Variants in RNF214 observed in about 807,000 individuals in gnomAD.
The protein encoded by RNF214 is ring finger protein 214.
A neutral mutation model predicts 75.9 loss-of-function variants in RNF214; 25 were observed. The ratio of observed to expected loss-of-function variants is 0.33; its 90% CI spans 0.24 to 0.46. The LOEUF is 0.46. Among genes scored for constraint, RNF214 ranks in the 20% least tolerant of loss-of-function variants. The pLI is 1.00. For missense variants in RNF214, 725 were observed against 857.5 expected, an observed-to-expected ratio of 0.85 and a Z score of 1.93; for synonymous variants, 314 against 308.8, an observed-to-expected ratio of 1.02 and a Z score of -0.18.
intron 6 of RNF214, among the ~76,000 whole-genome samples, chr11:117,251,471 C>T (rs1276894271): frequency 8.9e-5 from 11 of 123,534 alleles, no homozygotes; most frequent in East Asian, 2.4e-4. Flanking sequence ...GCTGGCCGGG[C>T]GGGGGGCTGA....
intron 6 of RNF214, among the ~76,000 whole-genome samples, chr11:117,269,415 G>A (rs2134404463): frequency 6.6e-6 from 1 of 152,294 alleles, no homozygotes; most frequent in South Asian, 2.1e-4. Context: ...AGCCTGGAGT[G>A]CAGTGGCATG....
rs1940286 is a variant in RNF214, at chr11:117,281,251, G to A, written c.1146-63G>A. 1.9e-3 allele frequency: 2,203 copies of A among 1,152,800 alleles called. 11 individuals are homozygous for A. The highest frequency in any genetic ancestry group is 1.8e-3 in the Non-Finnish European group (1,358 of 768,226). The allele number at this position is 1,152,800 out of a possible 1,614,324, so 71.4% of individuals were successfully genotyped here. ...GGCCTCTTGTGCTGGGATTACAGGC[G>A]TGAGTCACTGTTCCTAGCAGGGCTT... On this transcript the variant is annotated intron_variant, in intron 8 of 14. Coordinates refer to ENST00000300650, the MANE Select transcript of RNF214 (RefSeq NM_207343.4).
chr11:117,257,598 C>T (rs956049637), intron 6 of RNF214, among the ~76,000 whole-genome samples: 2 of 151,696 alleles, frequency 1.3e-5, no homozygotes, highest in African/African-American at 4.9e-5. Context: ...AACATAGAGA[C>T]GATAGTTACA....
intron 4 of RNF214, among the ~76,000 whole-genome samples, chr11:117,244,010 C>G (rs376420951): frequency 6.2e-4 from 95 of 152,322 alleles, no homozygotes; most frequent in African/African-American, 2.1e-3. Flanking sequence ...GAGACAGAGT[C>G]TTGCTCTGTC....
intron 6 of RNF214, among the ~76,000 whole-genome samples, chr11:117,273,625 G>A (rs1354674598): frequency 6.6e-6 from 1 of 152,180 alleles, no homozygotes; most frequent in Non-Finnish European, 1.5e-5. Context: ...GTTTGCAGCA[G>A]AGAAAGAGTT....
chr11:117,281,411 G>C lies in RNF214; in HGVS notation c.1236+7G>C, dbSNP rs765056208. 1.3e-6 allele frequency: 2 copies of C among 1,591,830 alleles called. No individual in the cohort carries two copies. Among genetic ancestry groups the C allele is most frequent in the Non-Finnish European group, 1.7e-6 (2 of 1,159,748 alleles). ...AATGAAAAAGAATGTTCGTGTAAGT[G>C]TATCTATGAGTCATCATTCAGTCAG... On this transcript the variant is annotated splice_region_variant and intron_variant, in intron 9 of 14. Transcript: ENST00000300650.
In RNF214 at chr11:117,280,270, T is replaced by G. The variant is rs1449522778; in HGVS notation, c.1145+11T>G. 1.9e-6 allele frequency: 3 copies of G among 1,560,178 alleles called. No individual in the cohort carries two copies. Among genetic ancestry groups the G allele is most frequent in the Non-Finnish European group, 1.8e-6 (2 of 1,132,380 alleles). On this transcript the variant is annotated intron_variant, in intron 8 of 14. Coordinates refer to ENST00000300650, the MANE Select transcript of RNF214 (RefSeq NM_207343.4). Reference sequence around the variant, plus strand: ...CCTTACTTACCTCAAGTAAGTACCTTTCCGTTCTAGAGCTTTAATTGTTTT... The same window carrying G: ...CCTTACTTACCTCAAGTAAGTACCTGTCCGTTCTAGAGCTTTAATTGTTTT...
intron 6 of RNF214, among the ~76,000 whole-genome samples, chr11:117,252,005 A>AC (rs1359331110): frequency 1.3e-5 from 2 of 152,170 alleles, no homozygotes; most frequent in Non-Finnish European, 2.9e-5. Context: ...AGTAGCTGGA[A>AC]CTACAGGCCT....
chr11:117,251,205 CCCGCACCTCCCGGACGGGGCGG>C (rs1446579051), intron 6 of RNF214, among the ~76,000 whole-genome samples: 6 of 130,270 alleles, frequency 4.6e-5, no homozygotes, highest in African/African-American at 1.8e-4. Context: ...GCAGAGGCGC[CCCGCACCTCCCGGACGGGGCGG>C]CTGGCCGGGC....
At chr11:117,259,708 G>A (rs574650584) in intron 6 of RNF214, among the ~76,000 whole-genome samples, 5 of 151,728 alleles carry the variant, frequency 3.3e-5, no homozygotes, top group African/African-American at 7.2e-5. Context: ...CTTATTGGCC[G>A]TTTGTATATT....
chr11:117,278,818 C>A (rs2034068121), intron 6 of RNF214, among the ~76,000 whole-genome samples: 1 of 152,164 alleles, frequency 6.6e-6, no homozygotes, highest in African/African-American at 2.4e-5. Context: ...GGCCTCTGGC[C>A]AGGCACAGTA....
chr11:117,267,488 G>A (rs2033820144), intron 6 of RNF214, among the ~76,000 whole-genome samples: 1 of 151,964 alleles, frequency 6.6e-6, no homozygotes, highest in African/African-American at 2.4e-5. Flanking sequence ...GAGGTGGGTG[G>A]ATTGCTTGAG....
intron 6 of RNF214, among the ~76,000 whole-genome samples, chr11:117,268,533 T>TTC (rs1207018901): frequency 2.6e-5 from 4 of 152,276 alleles, no homozygotes; most frequent in African/African-American, 7.2e-5. Flanking sequence ...TTATACCACA[T>TTC]AAGTGTGGCT....
rs374354385 is a variant in RNF214 at position 117,285,203 on chromosome 11, C to T, written c.*52C>T. The T allele has an allele frequency of 3.9e-5, 49 of 1,263,136 alleles. No homozygotes were observed. The highest frequency in any genetic ancestry group is 1.9e-4 in the South Asian group (16 of 83,350). The allele number at this position is 1,263,136 out of a possible 1,614,324, so 78.2% of individuals were successfully genotyped here. ...GAGAAACTGATGTGAACAGGAAGCGCGGGTTCAAGATTTCTAAAACTCTAT... is the reference window on the plus strand; with the variant it reads ...GAGAAACTGATGTGAACAGGAAGCGTGGGTTCAAGATTTCTAAAACTCTAT... On this transcript the variant is annotated 3_prime_UTR_variant, in exon 15 of 15. Coordinates refer to ENST00000300650, the MANE Select transcript of RNF214 (RefSeq NM_207343.4).
chr11:117,270,889 C>T (rs1247485116), intron 6 of RNF214, among the ~76,000 whole-genome samples: 1 of 151,790 alleles, frequency 6.6e-6, no homozygotes, highest in Non-Finnish European at 1.5e-5. Context: ...CCACATCTTG[C>T]CTCAGTTTTC....
intron 6 of RNF214, among the ~76,000 whole-genome samples, chr11:117,262,876 C>T (rs2033699277): frequency 6.6e-6 from 1 of 152,182 alleles, no homozygotes; most frequent in Non-Finnish European, 1.5e-5. Context: ...GTGGCACAAT[C>T]ATGGCTCACT....
At chr11:117,280,126 G>A (rs773383789) in intron 7 of RNF214, 45 bp from the exon 8 acceptor site, 45 of 1,534,522 alleles carry the variant, frequency 2.9e-5, no homozygotes, top group Non-Finnish European at 4.0e-5. Flanking sequence ...GTACCTTTGT[G>A]TATGTAAAAT....
chr11:117,272,315 G>C (rs1276176389), intron 6 of RNF214, among the ~76,000 whole-genome samples: 2 of 152,144 alleles, frequency 1.3e-5, no homozygotes, highest in African/African-American at 4.8e-5. Flanking sequence ...TGTTAATATG[G>C]TTTAAGGGGT....
At chr11:117,266,105 A>G (rs960846959) in intron 6 of RNF214, among the ~76,000 whole-genome samples, 10 of 152,324 alleles carry the variant, frequency 6.6e-5, no homozygotes, top group Non-Finnish European at 1.3e-4. Context: ...TCATTTACCC[A>G]GTTAAAGGTA....
Sources: gnomAD v4.1 joint callset for allele counts (sites outside exome capture counted in the v4.1 genomes callset) on GRCh38, gnomAD v4.1.1 for gene constraint, MANE v1.5 for transcripts, NCBI Gene and HGNC (gene_info 2026-07-23, HGNC 2026-07-21) for gene names.